Variants in RHOG observed in about 807,000 individuals in gnomAD.
The protein encoded by RHOG is ras homolog family member G.
Under a neutral mutation model 12.3 loss-of-function variants are expected in RHOG, and 1 was observed. The ratio of observed to expected loss-of-function variants is 0.08; its 90% CI spans 0.03 to 0.39. RHOG has a LOEUF of 0.39. RHOG is among the 10% of genes least tolerant of loss of function. RHOG has a pLI of 0.99. For synonymous variants in RHOG, 129 were observed against 116.0 expected (o/e 1.11, Z -0.72); for missense variants, 114 against 266.2 (o/e 0.43, Z 3.98).
intron 1 of RHOG, among the ~76,000 whole-genome samples, chr11:3,830,208 G>T (rs2135134969): frequency 6.6e-6 from 1 of 152,274 alleles, no homozygotes; most frequent in South Asian, 2.1e-4. Context: ...CCATCATTAA[G>T]AACATAGATG....
chr11:3,838,923 G>A (rs2090171924), intron 1 of RHOG, among the ~76,000 whole-genome samples: 1 of 152,128 alleles, frequency 6.6e-6, no homozygotes, highest in South Asian at 2.1e-4. Context: ...GAGTATTAAG[G>A]ATGCCTGAAG....
intron 1 of RHOG, among the ~76,000 whole-genome samples, chr11:3,831,281 C>T (rs1274545660): frequency 6.6e-6 from 1 of 152,172 alleles, no homozygotes; most frequent in African/African-American, 2.4e-5. Context: ...GGACCCAGGG[C>T]TTGGTCCCAC....
chr11:3,838,920 A>T (rs2135142766), intron 1 of RHOG, among the ~76,000 whole-genome samples: 1 of 152,234 alleles, frequency 6.6e-6, no homozygotes, highest in South Asian at 2.1e-4. Flanking sequence ...GGGGAGTATT[A>T]AGGATGCCTG....
In RHOG at chr11:3,828,015, C is replaced by T. The variant is rs891420749; in HGVS notation, c.124G>A (p.Ala42Thr). ...YIPTVFDNYS[A>T]QSAVDGRTVN... ...GTGCGCCCGTCAACTGCGCTCTGCGCGCTGTAATTGTCGAACACGGTGGGG... is the reference window on the plus strand; with the variant it reads ...GTGCGCCCGTCAACTGCGCTCTGCGTGCTGTAATTGTCGAACACGGTGGGG... The change falls in exon 2 of 2, where the codon GCG becomes ACG. Residue 42 changes from alanine (A) to threonine (T), a missense_variant. This residue lies in a region of RHOG where 53 missense variants were observed against 164.8 expected (regional missense o/e 0.32). Transcript: ENST00000351018. 1.2e-5 allele frequency: 20 copies of T among 1,614,140 alleles called. No individual in the cohort carries two copies. The highest frequency in any genetic ancestry group is 8.8e-5 in the South Asian group (8 of 91,094).
chr11:3,836,369 A>AAAAG (rs2090156235), intron 1 of RHOG, among the ~76,000 whole-genome samples: 1 of 97,654 alleles, frequency 1.0e-5, no homozygotes, highest in African/African-American at 3.0e-5. Context: ...AAAAAAAAAA[A>AAAAG]AAAAGAAAGA....
At chr11:3,835,509 A>G (rs1233049747) in intron 1 of RHOG, among the ~76,000 whole-genome samples, 1 of 151,840 alleles carries the variant, frequency 6.6e-6, no homozygotes, top group Non-Finnish European at 1.5e-5. Flanking sequence ...AGAATGACAT[A>G]CCCCTCCTCC....
intron 1 of RHOG, among the ~76,000 whole-genome samples, chr11:3,828,655 A>T (rs568796554): frequency 2.3e-5 from 3 of 129,644 alleles, no homozygotes; most frequent in African/African-American, 9.3e-5. Flanking sequence ...ACAGAGTCTC[A>T]CTCTGTCACC....
At chr11:3,830,887 T>C (rs2090123739) in intron 1 of RHOG, among the ~76,000 whole-genome samples, 1 of 151,754 alleles carries the variant, frequency 6.6e-6, no homozygotes, top group Non-Finnish European at 1.5e-5. Context: ...TGTGATTATT[T>C]ACACTGCTAT....
chr11:3,840,959 T>TGAGA (rs1217188540), upstream of RHOG: 2 of 146,588 alleles, frequency 1.4e-5, no homozygotes, highest in Admixed American at 6.7e-5. Flanking sequence ...GAGAAGGAAG[T>TGAGA]GAGAGCGGGA....
chr11:3,836,357 CAA>C (rs61427960), intron 1 of RHOG, among the ~76,000 whole-genome samples: 18 of 119,514 alleles, frequency 1.5e-4, no homozygotes, highest in African/African-American at 1.2e-4. Flanking sequence ...ACTCCATCTC[CAA>C]AAAAAAAAAA....
At chr11:3,835,069 C>T (rs2090149064) in intron 1 of RHOG, among the ~76,000 whole-genome samples, 1 of 152,158 alleles carries the variant, frequency 6.6e-6, no homozygotes, top group South Asian at 2.1e-4. Flanking sequence ...TTATCCTATC[C>T]AAAGTCTGGT....
rs189715331 is a variant in RHOG, at chr11:3,839,001, C to T, written c.-69+1893G>A. Among the ~76,000 whole-genome samples, 163 of 152,234 alleles carry T rather than the reference C, an allele frequency of 1.1e-3. 1 individual carries two copies. Among genetic ancestry groups the T allele is most frequent in the Non-Finnish European group, 1.9e-3 (130 of 68,008 alleles). ...AGGCCCTGATGCAGATCAGGGCATG[C>T]GGGTACCCAGCCTAGGCAGGCCCCA... is the stretch of plus-strand genomic sequence containing the variant. On this transcript the variant is annotated intron_variant, in intron 1 of 1. Coordinates refer to ENST00000351018, the MANE Select transcript of RHOG (RefSeq NM_001665.4).
intron 1 of RHOG, among the ~76,000 whole-genome samples, chr11:3,829,224 T>C (rs2090111450): frequency 6.6e-6 from 1 of 150,868 alleles, no homozygotes. Flanking sequence ...CCTATCCCAA[T>C]CCAGGGTATT....
chr11:3,828,620 C>CTTT (rs1169074224), intron 1 of RHOG, among the ~76,000 whole-genome samples: 12 of 128,396 alleles, frequency 9.3e-5, no homozygotes, highest in Admixed American at 1.5e-4. Flanking sequence ...CAAGTATTAG[C>CTTT]TATTTTTTTT....
Position 3,838,855 on chromosome 11 carries a change from A to G in RHOG, c.-69+2039T>C, listed in dbSNP as rs151107568. Among the ~76,000 whole-genome samples, 557 of 152,304 alleles carry G rather than the reference A, an allele frequency of 3.7e-3. 4 individuals are homozygous for G. The highest frequency in any genetic ancestry group is 0.013 in the African/African-American group (521 of 41,550). Reference sequence around the variant, plus strand: ...ACAAGAGCCTCCATAGCCAGGATGGACTGAAGTTAAATTTGGGAGGAATTC... The same window carrying G: ...ACAAGAGCCTCCATAGCCAGGATGGGCTGAAGTTAAATTTGGGAGGAATTC... On this transcript the variant is annotated intron_variant, in intron 1 of 1. Coordinates refer to ENST00000351018, the MANE Select transcript of RHOG (RefSeq NM_001665.4).
rs58765611 is a variant in RHOG at position 3,836,052 on chromosome 11, TAAAAA to T, written c.-69+4837_-69+4841del. Among the ~76,000 whole-genome samples, 5 of 142,590 alleles carry T rather than the reference TAAAAA, an allele frequency of 3.5e-5. No homozygotes were observed. In the South Asian group the frequency reaches 1.1e-3, roughly 32 times the overall value. 93.5% of individuals were successfully genotyped at this position (142,590 alleles called of 152,430 possible). ...CCCAAGAGAGCCCAGTTCCTAGCCT[TAAAAA>T]AAAAAAAAAAATCCCCCGGGTGCCG... On this transcript the variant is annotated intron_variant, in intron 1 of 1. Transcript: ENST00000351018.
intron 1 of RHOG, among the ~76,000 whole-genome samples, chr11:3,839,701 G>GA (rs2090179683): frequency 6.6e-6 from 1 of 152,092 alleles, no homozygotes; most frequent in Non-Finnish European, 1.5e-5. Flanking sequence ...AGGGAGGTTT[G>GA]AAAAGACTCT....
rs751022683 is a variant in RHOG, at chr11:3,827,531, G to A, written c.*32C>T. On this transcript the variant is annotated 3_prime_UTR_variant, in exon 2 of 2. Coordinates refer to ENST00000351018, the MANE Select transcript of RHOG (RefSeq NM_001665.4). The surrounding 1 kb of genome is among the most constrained non-coding windows in gnomAD (Gnocchi z 7.3). ...ACCAAGGCACAACTGGTGGGGGGAG[G>A]GCAGGGGCAGCCTCCAAGCCAAGTG... The A allele has an allele frequency of 6.4e-6, 10 of 1,560,836 alleles. No individual in the cohort carries two copies. The African/African-American group carries it at 8.1e-5, about 13-fold the overall frequency.
chr11:3,828,270 T>TG, intron 1 of RHOG, 64 bp from the exon 2 acceptor site: 1 of 781,478 alleles, frequency 1.3e-6, no homozygotes, highest in South Asian at 1.8e-5. Flanking sequence ...GAAGAAAAGA[T>TG]GGGGGCACAC....
Sources: gnomAD v4.1 joint callset for allele counts (sites outside exome capture counted in the v4.1 genomes callset) on GRCh38, gnomAD v4.1.1 for gene constraint, gnomAD v4.1.1 regional missense constraint, Gnocchi (gnomAD v3.1) non-coding constraint, MANE v1.5 for transcripts, NCBI Gene and HGNC (gene_info 2026-07-23, HGNC 2026-07-21) for gene names.